The following CTNND2 variants were observed in gnomAD, a reference collection of about 807,000 sequenced individuals.
The protein encoded by CTNND2 is catenin delta-2.
A neutral mutation model predicts 144.4 loss-of-function variants in CTNND2; 22 were observed. The ratio of observed to expected loss-of-function variants is 0.15; its 90% confidence interval spans 0.11 to 0.22. The LOEUF (loss-of-function observed/expected upper bound fraction) is 0.22. CTNND2 is among the 10% of genes least tolerant of loss of function. CTNND2 has a pLI of 1.00. For synonymous variants in CTNND2, 751 were observed against 695.6 expected (o/e 1.08, Z -1.25); for missense variants, 1,353 against 1,618.8 (o/e 0.84, Z 2.82).
chr5:11,675,312 C>T (rs2126611651), intron 2 of CTNND2, among the ~76,000 whole-genome samples: 1 of 152,282 alleles, frequency 6.6e-6, no homozygotes, highest in Non-Finnish European at 1.5e-5. Context: ...ACCCAATTTT[C>T]AAACAGCCAC....
intron 10 of CTNND2, among the ~76,000 whole-genome samples, chr5:11,200,372 T>A (rs1737299807): frequency 6.6e-6 from 1 of 152,242 alleles, no homozygotes; most frequent in African/African-American, 2.4e-5. Context: ...CATGTTCTCC[T>A]GGCTGCCCTT....
chr5:11,882,701 T>G (rs114428426), intron 1 of CTNND2, among the ~76,000 whole-genome samples: 1,672 of 152,244 alleles, frequency 0.011, 28 homozygotes, highest in African/African-American at 0.038. Flanking sequence ...ACAGTACTGG[T>G]TACTATAGAT....
At chr5:11,303,089 TG>T (rs1373312025) in intron 9 of CTNND2, among the ~76,000 whole-genome samples, 2 of 152,216 alleles carry the variant, frequency 1.3e-5, no homozygotes, top group Non-Finnish European at 2.9e-5. Context: ...TCCTTAAGAC[TG>T]TGAACATAAT....
At chr5:11,095,526 T>C (rs1751246472) in intron 15 of CTNND2, among the ~76,000 whole-genome samples, 1 of 152,246 alleles carries the variant, frequency 6.6e-6, no homozygotes, top group South Asian at 2.1e-4. Flanking sequence ...ACATGGATAG[T>C]AATTGAGAAA....
At chr5:11,492,911 A>G (rs2149996340) in intron 3 of CTNND2, among the ~76,000 whole-genome samples, 1 of 152,094 alleles carries the variant, frequency 6.6e-6, no homozygotes, top group South Asian at 2.1e-4. Context: ...TCTCTACTTA[A>G]AAATATAAAA....
chr5:11,018,975 G>A (rs894791960), intron 17 of CTNND2, among the ~76,000 whole-genome samples: 1 of 152,058 alleles, frequency 6.6e-6, no homozygotes, highest in African/African-American at 2.4e-5. Flanking sequence ...CCAAAGTGCT[G>A]GGATTACAGA....
At chr5:11,612,278 A>T (rs527593339) in intron 2 of CTNND2, among the ~76,000 whole-genome samples, 1 of 152,318 alleles carries the variant, frequency 6.6e-6, no homozygotes, top group East Asian at 1.9e-4. Flanking sequence ...TATAATTCCT[A>T]TCAGTAAGTC....
At chr5:11,218,564 AG>A (rs1378832529) in intron 10 of CTNND2, among the ~76,000 whole-genome samples, 1 of 152,214 alleles carries the variant, frequency 6.6e-6, no homozygotes, top group African/African-American at 2.4e-5. Flanking sequence ...CTCAGAAACT[AG>A]GATTGAAAAA....
intron 1 of CTNND2, among the ~76,000 whole-genome samples, chr5:11,804,303 G>T (rs1416636887): frequency 1.3e-5 from 2 of 152,108 alleles, no homozygotes; most frequent in Non-Finnish European, 2.9e-5. Context: ...AGCTGCTTTA[G>T]TATACAACTA....
intron 9 of CTNND2, among the ~76,000 whole-genome samples, chr5:11,252,938 A>C (rs1743823076): frequency 2.0e-5 from 3 of 152,214 alleles, no homozygotes; most frequent in Non-Finnish European, 2.9e-5. Flanking sequence ...AGAGTTGTGT[A>C]ATCTAAAAAT....
chr5:11,093,880 A>T (rs1751040299), intron 15 of CTNND2, among the ~76,000 whole-genome samples: 1 of 152,134 alleles, frequency 6.6e-6, no homozygotes, highest in Non-Finnish European at 1.5e-5. Context: ...TTTCTGGACA[A>T]CTCATCCTTT....
intron 3 of CTNND2, among the ~76,000 whole-genome samples, chr5:11,435,324 A>G (rs1361191863): frequency 1.3e-5 from 2 of 151,298 alleles, no homozygotes; most frequent in African/African-American, 4.9e-5. Context: ...TTGTATTTTT[A>G]GTAGAGATGG....
At chr5:11,195,713 T>A (rs996681972) in intron 11 of CTNND2, among the ~76,000 whole-genome samples, 49 of 152,368 alleles carry the variant, frequency 3.2e-4, no homozygotes, top group African/African-American at 1.2e-3. Context: ...CATTTTATTA[T>A]AATTTGTAAA....
intron 9 of CTNND2, among the ~76,000 whole-genome samples, chr5:11,280,612 C>T (rs1747016454): frequency 6.6e-6 from 1 of 152,196 alleles, no homozygotes; most frequent in Admixed American, 6.5e-5. Context: ...AAGGACCTAC[C>T]TCCAATACAC....
At chr5:11,034,215 T>C (rs561778186) in intron 16 of CTNND2, among the ~76,000 whole-genome samples, 1 of 152,340 alleles carries the variant, frequency 6.6e-6, no homozygotes, top group East Asian at 1.9e-4. Flanking sequence ...AAGATTAGGT[T>C]TGTTTCCTCA....
At chr5:11,316,036 A>G (rs1476917501) in intron 9 of CTNND2, among the ~76,000 whole-genome samples, 4 of 152,176 alleles carry the variant, frequency 2.6e-5, no homozygotes, top group Admixed American at 6.5e-5. Context: ...TTCTTTCACA[A>G]TACATTTTAT....
Position 11,446,369 on chromosome 5 carries a change from G to A in CTNND2, c.288-34300C>T, listed in dbSNP as rs564279167. Among the ~76,000 whole-genome samples the A allele has an allele frequency of 1.7e-4, 26 of 152,234 alleles. No individual in the cohort carries two copies. In the South Asian group the frequency reaches 4.6e-3, roughly 27 times the overall value. On this transcript the variant is annotated intron_variant, in intron 3 of 21. Coordinates refer to ENST00000304623, the MANE Select transcript of CTNND2 (RefSeq NM_001332.4). The stretch of plus-strand genomic sequence containing the variant: ...AGTTCTTCTCCTCGGTTCATGGGAG[G>A]GTCGGGATCTCCTACTCCAGTAGCG...
chr5:11,090,498 C>T (rs1211010973), intron 15 of CTNND2, among the ~76,000 whole-genome samples: 1 of 152,218 alleles, frequency 6.6e-6, no homozygotes, highest in Non-Finnish European at 1.5e-5. Flanking sequence ...GTTCTGCCTC[C>T]TGTCAGATCG....
At chr5:11,233,018 C>T (rs1335081768) in intron 10 of CTNND2, among the ~76,000 whole-genome samples, 1 of 152,004 alleles carries the variant, frequency 6.6e-6, no homozygotes, top group East Asian at 1.9e-4. Context: ...GTAGAAGGTA[C>T]CTGAAGAGGT....
Sources: gnomAD v4.1 joint callset for allele counts (sites outside exome capture counted in the v4.1 genomes callset) on GRCh38, gnomAD v4.1.1 for gene constraint, MANE v1.5 for transcripts, NCBI Gene and HGNC (gene_info 2026-07-23, HGNC 2026-07-21) for gene names.